The following NVL variants were observed in gnomAD, a reference collection of about 807,000 sequenced individuals.
The protein encoded by NVL is nuclear VCP like, also known as nuclear valosin-containing protein-like.
Under a neutral mutation model 110.2 loss-of-function variants are expected in NVL, and 84 were observed. The ratio of observed to expected loss-of-function variants is 0.76; its 90% CI spans 0.64 to 0.91. NVL has a LOEUF of 0.91. NVL is among the 40% of genes least tolerant of loss of function. The pLI, the probability that NVL is intolerant of heterozygous loss-of-function variation, is 0.00. For missense variants in NVL, 882 were observed against 1,035.9 expected, an observed-to-expected ratio of 0.85 and a Z score of 2.04; for synonymous variants, 354 against 361.1, an observed-to-expected ratio of 0.98 and a Z score of 0.22.
intron 19 of NVL, among the ~76,000 whole-genome samples, chr1:224,242,389 C>T (rs1305799343): frequency 6.6e-6 from 1 of 151,722 alleles, no homozygotes; most frequent in Admixed American, 6.6e-5. Context: ...TCGTATTAAA[C>T]ATTATATGTT....
chr1:224,263,802 T>G (rs1466940969), intron 18 of NVL, among the ~76,000 whole-genome samples: 4 of 152,140 alleles, frequency 2.6e-5, no homozygotes, highest in South Asian at 2.1e-4. Context: ...CATTTTTCAA[T>G]GTATAAAGTA....
At chr1:224,297,170 A>G (rs1039420116) in intron 10 of NVL, among the ~76,000 whole-genome samples, 2 of 152,182 alleles carry the variant, frequency 1.3e-5, no homozygotes, top group Admixed American at 1.3e-4. Flanking sequence ...CACTTTGGGT[A>G]TATAGTTTAG....
At chr1:224,289,316 C>T in intron 13 of NVL, 168 bp downstream of exon 13, 1 of 567,652 alleles carries the variant, frequency 1.8e-6, no homozygotes, top group Non-Finnish European at 2.9e-6. Context: ...TAAAACAACT[C>T]ATATTTTTGA....
chr1:224,284,539 C>T (rs766771242), intron 15 of NVL, among the ~76,000 whole-genome samples: 13 of 151,992 alleles, frequency 8.6e-5, no homozygotes, highest in Non-Finnish European at 1.2e-4. Flanking sequence ...CTACATCTGG[C>T]TAATTTTTGT....
intron 17 of NVL, among the ~76,000 whole-genome samples, chr1:224,274,776 A>ACT (rs1197235701): frequency 6.6e-6 from 1 of 152,204 alleles, no homozygotes; most frequent in Non-Finnish European, 1.5e-5. Flanking sequence ...TGTTTCTGGT[A>ACT]CTCCGTACTG....
chr1:224,329,939 C>A, intron 1 of NVL, 132 bp downstream of exon 1: 6 of 869,916 alleles, frequency 6.9e-6, no homozygotes, highest in East Asian at 5.2e-5. Context: ...GAGAAACAGA[C>A]GCACGCCCAG....
chr1:224,289,215 C>T (rs766104024), intron 13 of NVL: 11 of 384,022 alleles, frequency 2.9e-5, no homozygotes, highest in African/African-American at 1.5e-4. Flanking sequence ...TACAAAAACA[C>T]GTGGTGGGTG....
At chr1:224,230,612 A>T (rs2102688225) in intron 22 of NVL, among the ~76,000 whole-genome samples, 1 of 150,196 alleles carries the variant, frequency 6.7e-6, no homozygotes, top group African/African-American at 2.4e-5. Context: ...TCAAAAAAAT[A>T]AAAAAAAAAT....
At chr1:224,256,980 T>A in intron 18 of NVL, 1 of 485,234 alleles carries the variant, frequency 2.1e-6, no homozygotes, top group South Asian at 1.5e-5. Flanking sequence ...TGCACCTGCA[T>A]TATTCTTACA....
intron 1 of NVL, among the ~76,000 whole-genome samples, chr1:224,327,801 A>C (rs1219308746): frequency 6.6e-6 from 1 of 151,306 alleles, no homozygotes; most frequent in Non-Finnish European, 1.5e-5. Context: ...ATTAGGAGTC[A>C]CTGCTCAGAA....
At chr1:224,288,392 T>A (rs559299883) in intron 13 of NVL, among the ~76,000 whole-genome samples, 29 of 152,254 alleles carry the variant, frequency 1.9e-4, no homozygotes, top group African/African-American at 6.7e-4. Context: ...TTCATTAATA[T>A]GGTTCCTTGA....
chr1:224,258,452 T>C (rs1258128523), intron 18 of NVL, among the ~76,000 whole-genome samples: 1 of 152,182 alleles, frequency 6.6e-6, no homozygotes, highest in African/African-American at 2.4e-5. Context: ...AGTGGGAATA[T>C]AAAAATGATG....
intron 10 of NVL, among the ~76,000 whole-genome samples, chr1:224,299,780 G>A (rs150006072): frequency 3.8e-4 from 57 of 151,984 alleles, no homozygotes; most frequent in Non-Finnish European, 6.2e-4. Context: ...CTTTTTCAAC[G>A]TCAGCCCGCA....
chr1:224,242,950 G>T (rs1036593259), intron 19 of NVL, among the ~76,000 whole-genome samples: 5 of 149,846 alleles, frequency 3.3e-5, no homozygotes, highest in Non-Finnish European at 7.4e-5. Flanking sequence ...TCAGCCTCCC[G>T]AGTAGCTGGA....
At chr1:224,321,189 G>A (rs1240091004) in intron 2 of NVL, among the ~76,000 whole-genome samples, 1 of 152,204 alleles carries the variant, frequency 6.6e-6, no homozygotes, top group Non-Finnish European at 1.5e-5. Flanking sequence ...AAGCTGCAGT[G>A]AGCCGAGATT....
rs537775586 is a variant in NVL, at chr1:224,255,396, G to A, written c.2183-5078C>T. On this transcript the variant is annotated intron_variant, in intron 18 of 22. Coordinates refer to ENST00000281701, the MANE Select transcript of NVL (RefSeq NM_002533.4). The stretch of plus-strand genomic sequence containing the variant: ...TTTAGTAGAGACGGAGTTTCACCAT[G>A]TTAGCCAGGTTGGTCTCGATCTCCT... 2.2e-3 allele frequency among the ~76,000 whole-genome samples: 332 copies of A among 151,426 alleles called. 3 individuals are homozygous for A. Among genetic ancestry groups the A allele is most frequent in the African/African-American group, 7.7e-3 (318 of 41,206 alleles).
intron 11 of NVL, among the ~76,000 whole-genome samples, chr1:224,295,375 AT>A (rs1444855418): frequency 6.6e-6 from 1 of 151,296 alleles, no homozygotes; most frequent in Non-Finnish European, 1.5e-5. Flanking sequence ...TTATTTTTTT[AT>A]TTTTTAGTAG....
chr1:224,297,608 T>A (rs1668000006), intron 10 of NVL: 1 of 159,880 alleles, frequency 6.3e-6, no homozygotes, highest in Admixed American at 5.9e-5. Context: ...AAAATGGCCT[T>A]TTCAGTTGGA....
intron 19 of NVL, among the ~76,000 whole-genome samples, chr1:224,241,662 C>T (rs1195662267): frequency 6.6e-6 from 1 of 151,912 alleles, no homozygotes; most frequent in African/African-American, 2.4e-5. Context: ...TTGAGACTAG[C>T]CTGGCCAATA....
Sources: allele counts gnomAD v4.1 joint callset (sites outside exome capture counted in the v4.1 genomes callset), GRCh38; gene constraint gnomAD v4.1.1; transcripts MANE v1.5; gene names NCBI Gene and HGNC (gene_info 2026-07-23, HGNC 2026-07-21).